The following PRDM6 variants were observed in gnomAD, a reference collection of about 807,000 sequenced individuals.
PRDM6 encodes the protein putative histone-lysine N-methyltransferase PRDM6.
Under a neutral mutation model 60.8 loss-of-function variants are expected in PRDM6, and 25 were observed. The observed-to-expected ratio is 0.41, with a 90% CI of 0.30 to 0.57. The LOEUF (loss-of-function observed/expected upper bound fraction) is 0.57. PRDM6 is among the 20% of genes least tolerant of loss of function. The pLI, the probability that PRDM6 is intolerant of heterozygous loss-of-function variation, is 0.27. For missense variants in PRDM6, 839 were observed against 821.3 expected (o/e 1.02, Z -0.26); for synonymous variants, 407 against 357.4 (o/e 1.14, Z -1.57).
At chr5:123,185,326 A>G (rs1002409883) in intron 7 of PRDM6, among the ~76,000 whole-genome samples, 1 of 152,188 alleles carries the variant, frequency 6.6e-6, no homozygotes, top group African/African-American at 2.4e-5. Context: ...AAAAAAAGGA[A>G]TATAATAATT....
rs546993925 is a variant in PRDM6 at position 123,191,034 on chromosome 5, A to C, written c.*3833A>C. Reference sequence around the variant, plus strand: ...TTGTCTTTGCTTAACTCACTGGGCTATTGGTTGTTAGCAGCAGTATCAAGA... The same window carrying C: ...TTGTCTTTGCTTAACTCACTGGGCTCTTGGTTGTTAGCAGCAGTATCAAGA... On this transcript the variant is annotated 3_prime_UTR_variant, in exon 8 of 8. Transcript: ENST00000407847. 2 of 152,242 alleles carry C rather than the reference A, an allele frequency of 1.3e-5. No individual in the cohort carries two copies. Among genetic ancestry groups the C allele is most frequent in the African/African-American group, 4.8e-5 (2 of 41,556 alleles). 9.4% of individuals were successfully genotyped at this position (152,242 alleles called of 1,614,324 possible). A position where few individuals can be genotyped will look rare whatever the true frequency, so the allele number is the denominator to read the frequency against.
chr5:123,142,515 A>G (rs1765127787), intron 3 of PRDM6, among the ~76,000 whole-genome samples: 1 of 152,198 alleles, frequency 6.6e-6, no homozygotes, highest in Non-Finnish European at 1.5e-5. Flanking sequence ...ATTCTATTGA[A>G]TGAGCTAATT....
intron 7 of PRDM6, 43 bp from the exon 8 acceptor site, chr5:123,187,044 G>T: frequency 2.1e-6 from 3 of 1,431,330 alleles, no homozygotes; most frequent in Non-Finnish European, 2.9e-6. Flanking sequence ...TCACCCTGCA[G>T]GCCCCGCTCC....
intron 4 of PRDM6, among the ~76,000 whole-genome samples, chr5:123,156,843 A>C (rs1245284372): frequency 6.6e-6 from 1 of 152,156 alleles, no homozygotes; most frequent in South Asian, 2.1e-4. Flanking sequence ...GGGCAAAAAC[A>C]AATCAAATAG....
In PRDM6 at chr5:123,090,200, T is replaced by C; in HGVS notation, c.186T>C (p.Ala62=). ...PPPPPPPPER[A]EPPPDSLRPR... ...CGCCGCCCCCGCCCCCGGAGCGCGC[T>C]GAGCCTCCGCCGGACAGCCTGCGCC... is the stretch of plus-strand genomic sequence containing the variant. The change falls in exon 2 of 8, where the codon GCT becomes GCC. Residue 62 remains alanine (A), a synonymous_variant. Transcript: ENST00000407847. 6.7e-7 allele frequency: 1 copy of C among 1,485,716 alleles called. No individual in the cohort carries two copies. Among genetic ancestry groups the C allele is most frequent in the Non-Finnish European group, 8.9e-7 (1 of 1,121,238 alleles). The allele number at this position is 1,485,716 out of a possible 1,614,324, so 92.0% of individuals were successfully genotyped here. A position where few individuals can be genotyped will look rare whatever the true frequency, so the allele number is the denominator to read the frequency against.
chr5:123,090,233 C>T lies in PRDM6; in HGVS notation c.219C>T (p.Pro73=). Residue 73 remains proline (P), a synonymous_variant, in exon 2 of 8, where the codon CCC becomes CCT. Transcript: ENST00000407847. The part of the protein sequence containing the change: ...EPPPDSLRPR[P]ASLSSASSTP... ...CGCCGGACAGCCTGCGCCCGCGGCCCGCCTCTCTCTCCTCCGCCTCGTCCA... is the reference window on the plus strand; with the variant it reads ...CGCCGGACAGCCTGCGCCCGCGGCCTGCCTCTCTCTCCTCCGCCTCGTCCA... 6.8e-7 allele frequency: 1 copy of T among 1,477,284 alleles called. No homozygotes were observed. Among genetic ancestry groups the T allele is most frequent in the Non-Finnish European group, 9.0e-7 (1 of 1,114,092 alleles). 91.5% of individuals were successfully genotyped at this position (1,477,284 alleles called of 1,614,324 possible). A position where few individuals can be genotyped will look rare whatever the true frequency, so the allele number is the denominator to read the frequency against.
chr5:123,147,279 A>AG (rs1561853112), intron 3 of PRDM6, among the ~76,000 whole-genome samples: 7,013 of 147,548 alleles, frequency 0.048, 285 homozygotes, highest in African/African-American at 0.1. Context: ...TGATACTAAA[A>AG]AGAGAGAGAG....
At chr5:123,160,161 G>A (rs1292533889) in intron 5 of PRDM6, among the ~76,000 whole-genome samples, 1 of 152,220 alleles carries the variant, frequency 6.6e-6, no homozygotes, top group African/African-American at 2.4e-5. Context: ...ATATGTGACT[G>A]AGGAATTTGT....
intron 5 of PRDM6, among the ~76,000 whole-genome samples, chr5:123,169,789 C>T (rs1288304023): frequency 1.3e-5 from 2 of 152,178 alleles, no homozygotes; most frequent in African/African-American, 4.8e-5. Context: ...AGCATTAGTA[C>T]CACTGTCCTC....
intron 3 of PRDM6, among the ~76,000 whole-genome samples, chr5:123,146,995 C>A (rs1460543961): frequency 6.6e-6 from 1 of 152,096 alleles, no homozygotes; most frequent in African/African-American, 2.4e-5. Flanking sequence ...AATGTTTACT[C>A]AAGCTTTCAT....
intron 2 of PRDM6, among the ~76,000 whole-genome samples, chr5:123,093,142 A>G (rs894173215): frequency 1.3e-5 from 2 of 152,134 alleles, no homozygotes; most frequent in Admixed American, 6.5e-5. Flanking sequence ...TTTTTTTACC[A>G]TCTCCCTCTA....
At chr5:123,155,813 A>G in intron 3 of PRDM6, 71 bp from the exon 4 acceptor site, 2 of 1,510,362 alleles carry the variant, frequency 1.3e-6, no homozygotes, top group Non-Finnish European at 1.8e-6. Context: ...ACATAAAGAC[A>G]CCAAGGGAAG....
At chr5:123,182,404 C>T (rs1455688970) in intron 7 of PRDM6, among the ~76,000 whole-genome samples, 2 of 152,192 alleles carry the variant, frequency 1.3e-5, no homozygotes, top group Non-Finnish European at 2.9e-5. Flanking sequence ...GAAAGGGCAG[C>T]CAGACCAATA....
Position 123,121,939 on chromosome 5 carries a change from G to T in PRDM6, c.900+21978G>T, listed in dbSNP as rs566697298. On this transcript the variant is annotated intron_variant, in intron 3 of 7. Coordinates refer to ENST00000407847, the MANE Select transcript of PRDM6 (RefSeq NM_001136239.4). ...AGCACTATGGGAGGCCAAGGCCGGCGGATCACGAGGTCAGGAGTTCGAGAC... is the reference window on the plus strand; with the variant it reads ...AGCACTATGGGAGGCCAAGGCCGGCTGATCACGAGGTCAGGAGTTCGAGAC... Among the ~76,000 whole-genome samples the T allele has an allele frequency of 2.7e-4, 41 of 150,356 alleles. 1 individual carries two copies. In the East Asian group the frequency reaches 7.4e-3, roughly 27 times the overall value.
intron 3 of PRDM6, among the ~76,000 whole-genome samples, chr5:123,101,152 C>G (rs989449863): frequency 1.3e-5 from 2 of 152,148 alleles, no homozygotes; most frequent in Non-Finnish European, 2.9e-5. Context: ...ACTCATTAAT[C>G]CACTCAAATT....
intron 3 of PRDM6, among the ~76,000 whole-genome samples, chr5:123,101,534 T>C (rs1580478421): frequency 1.3e-5 from 2 of 152,382 alleles, no homozygotes; most frequent in Non-Finnish European, 2.9e-5. Context: ...TTAGGAACTC[T>C]AATATCATAT....
At position 123,187,465 on chromosome 5, in the gene PRDM6, T is replaced by C. The variant is rs1031832686; in HGVS notation, c.*264T>C. ...ATGGTTAACATTTCCAGTCCCACCATGTATTTTGCTTTGTTTCTAAAAAGC... is the reference window on the plus strand; with the variant it reads ...ATGGTTAACATTTCCAGTCCCACCACGTATTTTGCTTTGTTTCTAAAAAGC... On this transcript the variant is annotated 3_prime_UTR_variant, in exon 8 of 8. Coordinates refer to ENST00000407847, the MANE Select transcript of PRDM6 (RefSeq NM_001136239.4). 3.7e-6 allele frequency: 1 copy of C among 268,392 alleles called. No individual in the cohort carries two copies. The highest frequency in any genetic ancestry group is 7.3e-6 in the Non-Finnish European group (1 of 137,776). The allele number at this position is 268,392 out of a possible 1,614,324, so 16.6% of individuals were successfully genotyped here. A position where few individuals can be genotyped will look rare whatever the true frequency, so the allele number is the denominator to read the frequency against.
rs770828238 is a variant in PRDM6, at chr5:123,149,669, G to A, written c.901-6215G>A. ...GGAGTTGAAGAAATGCTTCCTTACC[G>A]TTTTCTGAACAGTATTTACATTCAT... On this transcript the variant is annotated intron_variant, in intron 3 of 7. Transcript: ENST00000407847. Among the ~76,000 whole-genome samples, 11 of 151,990 alleles carry A rather than the reference G, an allele frequency of 7.2e-5. No individual in the cohort carries two copies. The South Asian group carries it at 8.3e-4, about 11-fold the overall frequency.
In PRDM6 at chr5:123,103,540, A is replaced by G. The variant is rs113045054; in HGVS notation, c.900+3579A>G. Among the ~76,000 whole-genome samples, 512 of 152,204 alleles carry G rather than the reference A, an allele frequency of 3.4e-3. 4 individuals are homozygous for G. Among genetic ancestry groups the G allele is most frequent in the African/African-American group, 0.012 (481 of 41,574 alleles). On this transcript the variant is annotated intron_variant, in intron 3 of 7. Transcript: ENST00000407847. ...ATTAGGTCTTATTGATGAGAATGAG[A>G]TAATTTTATCCTAATGTGTTTTCCA... is the stretch of plus-strand genomic sequence containing the variant.
Sources: allele counts gnomAD v4.1 joint callset (sites outside exome capture counted in the v4.1 genomes callset), GRCh38; gene constraint gnomAD v4.1.1; transcripts MANE v1.5; gene names NCBI Gene and HGNC (gene_info 2026-07-23, HGNC 2026-07-21).